The following DNAH12 variants were observed in gnomAD, a reference collection of about 807,000 sequenced individuals.
DNAH12 encodes axonemal beta dynein heavy chain 12.
In DNAH12, 285 loss-of-function variants were observed where a neutral mutation model predicts 371.5. The observed-to-expected ratio is 0.77, with a 90% CI of 0.70 to 0.85. DNAH12 has a LOEUF of 0.85. Among genes scored for constraint, DNAH12 ranks in the 40% least tolerant of loss-of-function variants. DNAH12 has a pLI of 0.00. For missense variants in DNAH12, 3,611 were observed against 3,689.4 expected, an observed-to-expected ratio of 0.98 and a Z score of 0.55; for synonymous variants, 1,200 against 1,213.0, an observed-to-expected ratio of 0.99 and a Z score of 0.22.
At position 57,433,405 on chromosome 3, in the gene DNAH12, T is replaced by G; in HGVS notation, c.4942A>C (p.Ile1648Leu). ...TCCAATACTGTGTTCATGCTCTCTA[T>G]CCACAAAGTGTCAATAGGACCATCA... ...VFDGPIDTLW[I>L]ESMNTVLDDN... The change falls in exon 32 of 74, where the codon ATA becomes CTA. Residue 1648 changes from isoleucine to leucine, a missense_variant. Physicochemically the swap from Ile to Leu is conservative, Grantham distance 5. Coordinates refer to ENST00000495027, the MANE Select transcript of DNAH12 (RefSeq NM_001366028.2). 6.4e-7 allele frequency: 1 copy of G among 1,551,456 alleles called. No individual in the cohort carries two copies. Among genetic ancestry groups the G allele is most frequent in the Non-Finnish European group, 8.7e-7 (1 of 1,146,896 alleles).
At chr3:57,432,807 A>T (rs1286978391) in intron 32 of DNAH12, among the ~76,000 whole-genome samples, 6 of 152,174 alleles carry the variant, frequency 3.9e-5, no homozygotes, top group Non-Finnish European at 8.8e-5. Context: ...AGGAAATTTC[A>T]TGTGTCATTT....
intron 45 of DNAH12, among the ~76,000 whole-genome samples, chr3:57,390,321 G>A (rs2063588575): frequency 7.4e-6 from 1 of 135,808 alleles, no homozygotes; most frequent in Non-Finnish European, 1.6e-5. Context: ...GCTGAGGTGG[G>A]AGGATTGCTT....
chr3:57,362,908 G>T (rs930915795), intron 58 of DNAH12, among the ~76,000 whole-genome samples: 1 of 152,044 alleles, frequency 6.6e-6, no homozygotes, highest in Non-Finnish European at 1.5e-5. Context: ...TTTTGTTGCC[G>T]TTGCTTTTGG....
At chr3:57,434,704 T>C (rs977117292) in intron 30 of DNAH12, among the ~76,000 whole-genome samples, 20 of 152,306 alleles carry the variant, frequency 1.3e-4, no homozygotes, top group African/African-American at 4.8e-4. Flanking sequence ...ATGCAATGAA[T>C]GATGAAACAT....
At chr3:57,491,196 T>C (rs999930888) in intron 11 of DNAH12, among the ~76,000 whole-genome samples, 1 of 149,848 alleles carries the variant, frequency 6.7e-6, no homozygotes. Flanking sequence ...CAAAAGAATA[T>C]ATACAGTATG....
chr3:57,365,725 TTTA>T, intron 57 of DNAH12, among the ~76,000 whole-genome samples: 1 of 152,284 alleles, frequency 6.6e-6, no homozygotes, highest in East Asian at 1.9e-4. Context: ...CCAATCTTTT[TTTA>T]TTCTTTTTAT....
chr3:57,491,216 A>T (rs1411657759), intron 11 of DNAH12, among the ~76,000 whole-genome samples: 1 of 152,186 alleles, frequency 6.6e-6, no homozygotes, highest in East Asian at 1.9e-4. Context: ...GATACCTTTC[A>T]TACAAACTTA....
intron 29 of DNAH12, among the ~76,000 whole-genome samples, chr3:57,443,923 G>A: frequency 6.6e-6 from 1 of 151,978 alleles, no homozygotes; most frequent in East Asian, 1.9e-4. Context: ...TTTTTTCTCA[G>A]CCAGGCACAG....
chr3:57,476,726 G>C (rs983157479), intron 13 of DNAH12, among the ~76,000 whole-genome samples: 1 of 152,100 alleles, frequency 6.6e-6, no homozygotes, highest in African/African-American at 2.4e-5. Context: ...CATGTTTTAC[G>C]TAATTTTGGT....
intron 2 of DNAH12, among the ~76,000 whole-genome samples, chr3:57,538,104 T>C (rs10866009): frequency 0.36 from 54,799 of 151,940 alleles, 11,052 homozygotes; most frequent in South Asian, 0.55. Context: ...ATAAAGTTAG[T>C]TTTCAAAGAA....
chr3:57,494,981 C>G (rs960938940), intron 11 of DNAH12, among the ~76,000 whole-genome samples: 1 of 149,606 alleles, frequency 6.7e-6, no homozygotes, highest in Non-Finnish European at 1.5e-5. Context: ...TACAATCCAG[C>G]CTGGGCAACA....
At position 57,334,886 on chromosome 3, in the gene DNAH12, T is replaced by TA. The variant is rs1559563184; in HGVS notation, c.9728dup (p.Ser3244LysfsTer3). The TA allele has an allele frequency of 6.4e-7, 1 of 1,551,740 alleles. No homozygotes were observed. Among genetic ancestry groups the TA allele is most frequent in the East Asian group, 2.4e-5 (1 of 40,918 alleles). On this transcript the variant is annotated frameshift_variant, in exon 61 of 74. Coordinates refer to ENST00000495027, the MANE Select transcript of DNAH12 (RefSeq NM_001366028.2). LOFTEE classifies it high-confidence loss of function. ...GATTTTTCTCAGCACTTTTAAGACT[T>TA]ACTCCTCCAGTTAAAAGAAACATCA... is the stretch of plus-strand genomic sequence containing the variant.
intron 60 of DNAH12, among the ~76,000 whole-genome samples, chr3:57,349,718 C>T (rs759303424): frequency 2.0e-5 from 3 of 152,180 alleles, no homozygotes; most frequent in Admixed American, 2.0e-4. Context: ...GAGACGGAGT[C>T]CCACTCTGTA....
chr3:57,477,613 G>A (rs1444698068), intron 13 of DNAH12, among the ~76,000 whole-genome samples: 1 of 152,150 alleles, frequency 6.6e-6, no homozygotes, highest in Non-Finnish European at 1.5e-5. Flanking sequence ...TCTGAGAATG[G>A]ACAGACTGCC....
chr3:57,437,979 A>T (rs1270720632), intron 29 of DNAH12, among the ~76,000 whole-genome samples: 1 of 152,184 alleles, frequency 6.6e-6, no homozygotes, highest in African/African-American at 2.4e-5. Context: ...TAGCTACCTG[A>T]AATAGGGAAA....
Position 57,309,184 on chromosome 3 carries a change from G to C in DNAH12, c.11156C>G (p.Thr3719Ser). ...TCTTTCCATTTCTTGTACTAACACA[G>C]TATTCATGCTTTCTTCATATCTCAC... ...YPVRYEESMN[T>S]VLVQEMERFN... is the part of the protein sequence containing the mutation. The change falls in exon 69 of 74, where the codon ACT (threonine) becomes AGT (serine). Residue 3719 changes from threonine to serine, a missense_variant. Thr to Ser is a moderately conservative substitution (Grantham distance 58). Transcript: ENST00000495027. The C allele has an allele frequency of 6.5e-7, 1 of 1,549,666 alleles. No homozygotes were observed. The highest frequency in any genetic ancestry group is 1.2e-5 in the South Asian group (1 of 83,526).
intron 38 of DNAH12, 36 bp downstream of exon 38, chr3:57,415,390 T>A (rs73074544): frequency 2.0e-6 from 3 of 1,537,750 alleles, no homozygotes; most frequent in Middle Eastern, 1.7e-4. Context: ...GACAAAAAAA[T>A]TAACGATAGA....
At chr3:57,422,987 TAA>T (rs1055283569) in intron 35 of DNAH12, among the ~76,000 whole-genome samples, 3 of 152,184 alleles carry the variant, frequency 2.0e-5, no homozygotes, top group Admixed American at 6.5e-5. Flanking sequence ...TGTATACATG[TAA>T]AAGAGTGTGT....
At chr3:57,302,548 TATATATATATATA>T (rs2061373515) in intron 69 of DNAH12, among the ~76,000 whole-genome samples, 1 of 96,176 alleles carries the variant, frequency 1.0e-5, no homozygotes, top group African/African-American at 3.8e-5. Flanking sequence ...TATATATATA[TATATATATATATA>T]TATGTATTTT....
Sources: allele counts gnomAD v4.1 joint callset (sites outside exome capture counted in the v4.1 genomes callset), GRCh38; gene constraint gnomAD v4.1.1; transcripts MANE v1.5; gene names NCBI Gene and HGNC (gene_info 2026-07-23, HGNC 2026-07-21).